Variants in GLRA2 observed in about 807,000 individuals in gnomAD.
GLRA2 encodes the protein glycine receptor alpha 2.
In GLRA2, 11 loss-of-function variants were observed where a neutral mutation model predicts 31.6. The ratio of observed to expected loss-of-function variants is 0.35; its 90% CI spans 0.22 to 0.58. The LOEUF (loss-of-function observed/expected upper bound fraction) is 0.58, where lower values mean the gene tolerates loss of function less well. Among genes scored for constraint, GLRA2 ranks in the 20% least tolerant of loss-of-function variants. The pLI, the probability that GLRA2 is intolerant of heterozygous loss-of-function variation, is 0.84. For synonymous variants in GLRA2, 132 were observed against 134.0 expected (o/e 0.99, Z 0.10); for missense variants, 212 against 351.8 (o/e 0.60, Z 3.18).
At chrX:14,522,146 C>T in the GLRA2 span, among the ~76,000 whole-genome samples, 1 of 112,495 alleles carries the variant, frequency 8.9e-6, no homozygotes, top group Admixed American at 9.4e-5. Flanking sequence ...CCTGCTGCTG[C>T]TTTATCAACT....
intron 7 of GLRA2, among the ~76,000 whole-genome samples, chrX:14,654,532 C>T (rs1348446474): frequency 4.5e-5 from 5 of 111,721 alleles, no homozygotes; most frequent in Non-Finnish European, 7.5e-5. Flanking sequence ...GTGGTCTGAA[C>T]CAAACCCACA....
chrX:14,717,345 T>TAAAAAA (rs766206290), intron 8 of GLRA2, among the ~76,000 whole-genome samples: 1 of 91,335 alleles, frequency 1.1e-5, no homozygotes. Flanking sequence ...CTTAAGAAAG[T>TAAAAAA]AAAAAAAAAA....
chrX:14,673,494 T>C (rs1436152793), intron 7 of GLRA2, among the ~76,000 whole-genome samples: 1 of 111,253 alleles, frequency 9.0e-6, no homozygotes, highest in Non-Finnish European at 1.9e-5. Flanking sequence ...TGGTCAGGGG[T>C]GAAAGGTTTG....
At chrX:14,661,150 C>T (rs777154079) in intron 7 of GLRA2, among the ~76,000 whole-genome samples, 6 of 112,075 alleles carry the variant, frequency 5.4e-5, no homozygotes, top group African/African-American at 1.6e-4. Flanking sequence ...ACTTTTATGA[C>T]GCTAACTTAC....
At chrX:14,450,489 C>T in the GLRA2 span, among the ~76,000 whole-genome samples, 18 of 111,319 alleles carry the variant, frequency 1.6e-4, no homozygotes, top group African/African-American at 5.9e-4. Context: ...CATCTCTTGC[C>T]CTCCCTAGAT....
chrX:14,662,999 CTAG>C (rs1372192656), intron 7 of GLRA2, among the ~76,000 whole-genome samples: 2 of 111,273 alleles, frequency 1.8e-5, no homozygotes, highest in African/African-American at 6.5e-5. Flanking sequence ...AATATTTATA[CTAG>C]TAGTAGTAGA....
In GLRA2 at chrX:14,537,070, T is replaced by A. The variant is rs773236714; in HGVS notation, c.202+4698T>A. On this transcript the variant is annotated intron_variant, in intron 2 of 8. Transcript: ENST00000218075. ...TATAGTTATCAGTGGGAACCATTCA[T>A]TGAAGAAATTAAAGGACAACTAAGG... is the stretch of plus-strand genomic sequence containing the variant. 1.1e-3 allele frequency among the ~76,000 whole-genome samples: 122 copies of A among 110,890 alleles called. 1 individual carries two copies. The highest frequency in any genetic ancestry group is 2.1e-3 in the Non-Finnish European group (112 of 52,821).
intron 5 of GLRA2, among the ~76,000 whole-genome samples, chrX:14,604,669 C>G (rs1331863900): frequency 9.2e-6 from 1 of 108,356 alleles, no homozygotes; most frequent in Non-Finnish European, 1.9e-5. Flanking sequence ...CTTTCTCCCC[C>G]CGCCCAAAAA....
At chrX:14,508,778 G>T in the GLRA2 span, among the ~76,000 whole-genome samples, 1 of 111,677 alleles carries the variant, frequency 9.0e-6, no homozygotes, top group African/African-American at 3.3e-5. Flanking sequence ...ACCAATTATA[G>T]AATACCTCTA....
At position 14,532,250 on chromosome X, in the gene GLRA2, G is replaced by T; in HGVS notation, c.80G>T (p.Cys27Phe). The T allele has an allele frequency of 8.5e-7, 1 of 1,176,309 alleles. No individual in the cohort carries two copies. The highest frequency in any genetic ancestry group is 1.1e-6 in the Non-Finnish European group (1 of 874,906). ...LETNHFRTAF[C>F]KDHDSRSGKQ... ...AATGATGTGTTTAGGACGGCTTTCT[G>T]CAAAGACCATGACTCCAGGTCTGGA... is the stretch of plus-strand genomic sequence containing the variant. Residue 27 changes from cysteine to phenylalanine, a missense_variant, in exon 2 of 9, where the codon TGC (cysteine) becomes TTC (phenylalanine). Coordinates refer to ENST00000218075, the MANE Select transcript of GLRA2 (RefSeq NM_002063.4).
chrX:14,725,182 G>A (rs2091915707), intron 8 of GLRA2, among the ~76,000 whole-genome samples: 1 of 111,590 alleles, frequency 9.0e-6, no homozygotes, highest in Admixed American at 9.5e-5. Flanking sequence ...TTAAGTGAAT[G>A]GTACAGACTC....
intron 2 of GLRA2, among the ~76,000 whole-genome samples, chrX:14,541,803 C>A (rs756576407): frequency 1.1e-4 from 12 of 111,230 alleles, no homozygotes; most frequent in Non-Finnish European, 2.3e-4. Flanking sequence ...ATGGATTTCT[C>A]ATATTCTACT....
chrX:14,560,065 T>C (rs1296873456), intron 2 of GLRA2, among the ~76,000 whole-genome samples: 1 of 112,021 alleles, frequency 8.9e-6, no homozygotes, highest in Non-Finnish European at 1.9e-5. Context: ...CCCTTAACTC[T>C]ACATCTTCCT....
chrX:14,664,491 G>A (rs760481129), intron 7 of GLRA2, among the ~76,000 whole-genome samples: 5 of 111,526 alleles, frequency 4.5e-5, no homozygotes, highest in South Asian at 7.5e-4. Flanking sequence ...TAGATTTTCC[G>A]TGTTGCTTAT....
upstream of GLRA2, chrX:14,529,219 T>C (rs1193591300): frequency 2.7e-5 from 3 of 109,536 alleles, no homozygotes. Context: ...GATTAAACCT[T>C]ATTCCCTTCC....
Position 14,730,225 on chromosome X carries a change from G to C in GLRA2, c.1099G>C (p.Glu367Gln), listed in dbSNP as rs1264172847. 8.3e-7 allele frequency: 1 copy of C among 1,201,396 alleles called. No homozygotes were observed. Among genetic ancestry groups the C allele is most frequent in the African/African-American group, 1.8e-5 (1 of 56,842 alleles). ...CCGTCAGGAAGAAGACGTTACTCGT[G>C]AAAGTCGTTTTAATTTTAGCGGTTA... ...RQNKEEDVTR[E>Q]SRFNFSGYGM... The change falls in exon 9 of 9, where the codon GAA becomes CAA. Residue 367 changes from glutamate to glutamine, a missense_variant. Glu to Gln is a conservative substitution (Grantham distance 29, BLOSUM62 2). This residue lies in a region of GLRA2 where 25 missense variants were observed against 20.8 expected (regional missense o/e 1.20). Transcript: ENST00000218075.
the GLRA2 span, among the ~76,000 whole-genome samples, chrX:14,466,589 AT>A: frequency 0.23 from 25,649 of 109,834 alleles, 2,481 homozygotes; most frequent in African/African-American, 0.36. Flanking sequence ...CCTCACAGGG[AT>A]TTTTTTTGTG....
the GLRA2 span, among the ~76,000 whole-genome samples, chrX:14,514,057 A>T: frequency 8.9e-6 from 1 of 112,300 alleles, no homozygotes; most frequent in South Asian, 3.7e-4. Flanking sequence ...TGTGGTATAT[A>T]TATACACCAT....
chrX:14,691,335 G>A (rs1056462157), intron 8 of GLRA2, among the ~76,000 whole-genome samples: 5 of 102,866 alleles, frequency 4.9e-5, no homozygotes, highest in African/African-American at 1.8e-4. Context: ...GCGCGCGTGC[G>A]TGCGTGTACA....
Sources: allele counts gnomAD v4.1 joint callset (sites outside exome capture counted in the v4.1 genomes callset), GRCh38; gene constraint gnomAD v4.1.1; regional missense constraint gnomAD v4.1.1; transcripts MANE v1.5; gene names NCBI Gene and HGNC (gene_info 2026-07-23, HGNC 2026-07-21).